TPRG1: variants seen among roughly 807,000 people sequenced by gnomAD.
The protein encoded by TPRG1 is tumor protein p63 regulated 1, also known as tumor protein p63-regulated gene 1 protein.
In TPRG1, 29 loss-of-function variants were observed where a neutral mutation model predicts 29.3. That is an observed-to-expected ratio of 0.99 (90% CI 0.74 to 1.35). The LOEUF (loss-of-function observed/expected upper bound fraction) is 1.35, where lower values mean the gene tolerates loss of function less well. Among genes scored for constraint, TPRG1 ranks in the 40% most tolerant of loss-of-function variants. The pLI is 0.00. For synonymous variants in TPRG1, 130 were observed against 116.8 expected (o/e 1.11, Z -0.73); for missense variants, 327 against 335.0 (o/e 0.98, Z 0.19).
intron 5 of TPRG1, 96 bp from the exon 6 acceptor site, chr3:189,320,530 G>C: frequency 4.1e-6 from 4 of 984,778 alleles, no homozygotes; most frequent in South Asian, 2.0e-5. Context: ...AGCCCCAGGA[G>C]AGTAGTCAAC....
intron 4 of TPRG1, among the ~76,000 whole-genome samples, chr3:189,265,973 T>C (rs960843178): frequency 1.3e-5 from 2 of 152,152 alleles, no homozygotes; most frequent in Non-Finnish European, 2.9e-5. Flanking sequence ...AGTACCTCCA[T>C]TGAATAGGAG....
chr3:188,998,743 C>G (rs1711902663), intron 1 of TPRG1, among the ~76,000 whole-genome samples: 2 of 152,284 alleles, frequency 1.3e-5, no homozygotes, highest in East Asian at 1.9e-4. Flanking sequence ...ATCACATACT[C>G]TCACTCATAT....
intron 4 of TPRG1, among the ~76,000 whole-genome samples, chr3:189,038,300 G>C (rs916321406): frequency 2.0e-5 from 3 of 151,834 alleles, no homozygotes; most frequent in African/African-American, 7.3e-5. Flanking sequence ...ATGCCTATTG[G>C]CCTAGCAAAA....
At chr3:189,174,876 A>G (rs971316354) in intron 1 of TPRG1, among the ~76,000 whole-genome samples, 22 of 152,222 alleles carry the variant, frequency 1.4e-4, no homozygotes, top group Non-Finnish European at 2.5e-4. Context: ...CATAAAAACA[A>G]GAAAAGAAAT....
chr3:189,175,378 A>G (rs942623955), intron 1 of TPRG1, among the ~76,000 whole-genome samples: 3 of 152,214 alleles, frequency 2.0e-5, no homozygotes, highest in Non-Finnish European at 2.9e-5. Context: ...AGCATTTACT[A>G]CAGCTCAATA....
intron 4 of TPRG1, among the ~76,000 whole-genome samples, chr3:189,075,403 A>G (rs1441867830): frequency 6.6e-6 from 1 of 152,098 alleles, no homozygotes; most frequent in Admixed American, 6.6e-5. Flanking sequence ...CCAAAGTGCT[A>G]GGATTTACAG....
chr3:189,159,401 A>T (rs537647902), intron 5 of TPRG1, among the ~76,000 whole-genome samples: 1 of 152,244 alleles, frequency 6.6e-6, no homozygotes, highest in Non-Finnish European at 1.5e-5. Flanking sequence ...AAGATGCATA[A>T]ACTAGCATGG....
chr3:189,207,643 C>T lies in TPRG1; in HGVS notation c.210+49C>T, dbSNP rs747132945. The T allele has an allele frequency of 7.0e-6, 11 of 1,562,072 alleles. No individual in the cohort carries two copies. In the East Asian group the frequency reaches 2.2e-4, roughly 32 times the overall value. On this transcript the variant is annotated intron_variant, in intron 2 of 5. Transcript: ENST00000345063. ...TACTATATAAAAATTCACCCCAAGA[C>T]ATCTTAAAATCCTTCTGTGTATCAC...
At chr3:189,122,679 A>T (rs1055865968) in intron 1 of TPRG1, among the ~76,000 whole-genome samples, 16 of 152,216 alleles carry the variant, frequency 1.1e-4, no homozygotes, top group African/African-American at 3.9e-4. Flanking sequence ...GTCTTGGCCA[A>T]GTTCACAAGG....
At chr3:189,191,088 ATT>A in intron 1 of TPRG1, 1 of 451,528 alleles carries the variant, frequency 2.2e-6, no homozygotes, top group Non-Finnish European at 2.9e-6. Context: ...ATATACATGT[ATT>A]CTTACTTTCA....
intron 3 of TPRG1, among the ~76,000 whole-genome samples, chr3:189,230,075 G>A (rs545436187): frequency 6.6e-6 from 1 of 152,164 alleles, no homozygotes; most frequent in Non-Finnish European, 1.5e-5. Context: ...GGAGAAAGTC[G>A]GTCAGGGGTG....
chr3:189,231,060 C>G (rs566938812), intron 3 of TPRG1, among the ~76,000 whole-genome samples: 12 of 152,122 alleles, frequency 7.9e-5, no homozygotes, highest in African/African-American at 2.9e-4. Flanking sequence ...CCAACTTTTC[C>G]AGGTTCTTAC....
chr3:189,273,622 A>T (rs2109096349), intron 4 of TPRG1, among the ~76,000 whole-genome samples: 1 of 152,340 alleles, frequency 6.6e-6, no homozygotes, highest in East Asian at 1.9e-4. Flanking sequence ...CATGTTATTT[A>T]GTCTTTGGAA....
chr3:189,156,938 C>T (rs1256475779), intron 5 of TPRG1, among the ~76,000 whole-genome samples: 2 of 152,162 alleles, frequency 1.3e-5, no homozygotes, highest in African/African-American at 4.8e-5. Context: ...AATTGATAAT[C>T]ACTGAAATAG....
intron 4 of TPRG1, among the ~76,000 whole-genome samples, chr3:189,066,981 A>T (rs191288739): frequency 6.6e-6 from 1 of 152,320 alleles, no homozygotes; most frequent in East Asian, 1.9e-4. Flanking sequence ...GTTGCAGAAT[A>T]TAAAAATCCA....
chr3:189,061,510 C>T (rs574410904), intron 4 of TPRG1, among the ~76,000 whole-genome samples: 2 of 152,260 alleles, frequency 1.3e-5, no homozygotes, highest in South Asian at 4.1e-4. Context: ...AGACAATGTA[C>T]AGAATGTGAG....
At chr3:189,018,995 T>A (rs1038194060) in intron 3 of TPRG1, among the ~76,000 whole-genome samples, 4 of 152,240 alleles carry the variant, frequency 2.6e-5, no homozygotes, top group African/African-American at 7.2e-5. Context: ...TTGAAGCAAT[T>A]GTGAATGGGA....
At chr3:189,194,639 G>A (rs1732237948) in intron 1 of TPRG1, among the ~76,000 whole-genome samples, 1 of 152,166 alleles carries the variant, frequency 6.6e-6, no homozygotes, top group Admixed American at 6.5e-5. Context: ...TGGGGAAAAG[G>A]GAGTGTCCTA....
chr3:189,168,839 T>C (rs4687025), upstream of TPRG1, among the ~76,000 whole-genome samples: 40,744 of 152,018 alleles, frequency 0.27, 7,081 homozygotes, highest in African/African-American at 0.49. Flanking sequence ...GCATGTTTAT[T>C]TACCAATTTT....
Sources: allele counts gnomAD v4.1 joint callset (sites outside exome capture counted in the v4.1 genomes callset), GRCh38; gene constraint gnomAD v4.1.1; transcripts MANE v1.5; gene names NCBI Gene and HGNC (gene_info 2026-07-23, HGNC 2026-07-21).